ANKRD17: variants seen among roughly 807,000 people sequenced by gnomAD.
ANKRD17 encodes the protein ankyrin repeat domain 17, also known as ankyrin repeat domain-containing protein 17.
A neutral mutation model predicts 229.7 loss-of-function variants in ANKRD17; 19 were observed. The observed-to-expected ratio is 0.08, with a 90% CI of 0.06 to 0.12. The LOEUF (loss-of-function observed/expected upper bound fraction) is 0.12. Among genes scored for constraint, ANKRD17 ranks in the 10% least tolerant of loss-of-function variants. ANKRD17 has a pLI of 1.00. For missense variants in ANKRD17, 2,176 were observed against 3,176.8 expected, an observed-to-expected ratio of 0.68 and a Z score of 7.57; for synonymous variants, 1,112 against 1,146.1, an observed-to-expected ratio of 0.97 and a Z score of 0.60.
chr4:73,175,240 G>T (rs551832734), intron 2 of ANKRD17, among the ~76,000 whole-genome samples: 1 of 152,318 alleles, frequency 6.6e-6, no homozygotes, highest in East Asian at 1.9e-4. Context: ...ATGGCAGCAG[G>T]AGAGAGAAGT....
intron 25 of ANKRD17, chr4:73,101,054 T>C (rs763926093): frequency 2.2e-6 from 2 of 889,422 alleles, no homozygotes; most frequent in Non-Finnish European, 2.7e-6. Flanking sequence ...AGAGGTAATG[T>C]AGAGATGATT....
intron 1 of ANKRD17, among the ~76,000 whole-genome samples, chr4:73,230,017 T>G (rs2149237402): frequency 6.6e-6 from 1 of 151,996 alleles, no homozygotes; most frequent in East Asian, 1.9e-4. Context: ...TTTATGAACA[T>G]AAAAAGCACT....
At chr4:73,120,068 A>G in intron 21 of ANKRD17, 94 bp downstream of exon 21, 1 of 1,342,366 alleles carries the variant, frequency 7.4e-7, no homozygotes, top group Non-Finnish European at 1.1e-6. Context: ...AGAAATAATC[A>G]CATTTGATTT....
At position 73,258,567 on chromosome 4, in the gene ANKRD17, C is replaced by G. The variant is rs910735542; in HGVS notation, c.102G>C (p.Glu34Asp). 1.2e-5 allele frequency: 17 copies of G among 1,462,584 alleles called. No individual in the cohort carries two copies. Among genetic ancestry groups the G allele is most frequent in the African/African-American group, 1.5e-5 (1 of 67,334 alleles). 90.6% of individuals were successfully genotyped at this position (1,462,584 alleles called of 1,614,324 possible). ...AAVAGPPAAA[E>D]VGGGVGGSSR... ...TGCTGCCGCCAACGCCGCCGCCGACCTCCGCCGCCGCGGGGGGGCCCGCCA... is the reference window on the plus strand; with the variant it reads ...TGCTGCCGCCAACGCCGCCGCCGACGTCCGCCGCCGCGGGGGGGCCCGCCA... Residue 34 changes from glutamate (E) to aspartate (D), a missense_variant, in exon 1 of 34, where the codon GAG (glutamate) becomes GAC (aspartate). Transcript: ENST00000358602.
intron 24 of ANKRD17, 127 bp from the exon 25 acceptor site, chr4:73,102,674 T>C (rs1295729874): frequency 1.0e-5 from 11 of 1,090,758 alleles, no homozygotes; most frequent in Non-Finnish European, 1.3e-5. Flanking sequence ...GTTCAATTCA[T>C]TGTTTTATCA....
intron 1 of ANKRD17, among the ~76,000 whole-genome samples, chr4:73,229,718 A>T (rs1022452889): frequency 6.6e-6 from 1 of 151,992 alleles, no homozygotes; most frequent in Non-Finnish European, 1.5e-5. Context: ...TTTAAAAAAA[A>T]ATCTCCTTCT....
At chr4:73,077,164 A>C in intron 32 of ANKRD17, 60 bp from the exon 33 acceptor site, 1 of 1,477,374 alleles carries the variant, frequency 6.8e-7, no homozygotes, top group Non-Finnish European at 9.0e-7. Context: ...TCCCAATATA[A>C]TCAATAGCCT....
chr4:73,140,372 T>C (rs1729445649), intron 14 of ANKRD17, 89 bp from the exon 15 acceptor site: 3 of 1,346,560 alleles, frequency 2.2e-6, no homozygotes, highest in Non-Finnish European at 3.0e-6. Context: ...CCAACAGTTA[T>C]GCACTAAGTA....
rs369250426 is a variant in ANKRD17 at position 73,223,683 on chromosome 4, T to C, written c.393+34593A>G. Among the ~76,000 whole-genome samples the C allele has an allele frequency of 3.3e-5, 5 of 152,338 alleles. No homozygotes were observed. The East Asian group carries it at 5.8e-4, about 18-fold the overall frequency. On this transcript the variant is annotated intron_variant, in intron 1 of 33. Coordinates refer to ENST00000358602, the MANE Select transcript of ANKRD17 (RefSeq NM_032217.5). Reference sequence around the variant, plus strand: ...CTGAAGCAAGCTATAATATTTGATATATGCATTTTCTAGTAGTGCCTTTAA... The same window carrying C: ...CTGAAGCAAGCTATAATATTTGATACATGCATTTTCTAGTAGTGCCTTTAA...
intron 30 of ANKRD17, among the ~76,000 whole-genome samples, chr4:73,079,694 T>A (rs556695576): frequency 6.6e-6 from 1 of 152,382 alleles, no homozygotes; most frequent in African/African-American, 2.4e-5. Context: ...ATGCTTTTGG[T>A]AATGAGAATC....
chr4:73,224,263 T>C (rs1281664210), intron 1 of ANKRD17, among the ~76,000 whole-genome samples: 8 of 152,174 alleles, frequency 5.3e-5, no homozygotes, highest in African/African-American at 1.7e-4. Context: ...AGGAACAATG[T>C]TTTATGCTCT....
intron 11 of ANKRD17, 64 bp from the exon 12 acceptor site, chr4:73,142,831 T>C (rs1476432039): frequency 1.3e-6 from 2 of 1,525,452 alleles, no homozygotes; most frequent in Non-Finnish European, 1.8e-6. Context: ...TTATGGTAAA[T>C]TTAAAAATCA....
chr4:73,192,708 G>A (rs1394005345), intron 1 of ANKRD17, among the ~76,000 whole-genome samples: 1 of 152,038 alleles, frequency 6.6e-6, no homozygotes, highest in African/African-American at 2.4e-5. Flanking sequence ...ATAACAATTT[G>A]TATTGTCTTG....
Position 73,076,047 on chromosome 4 carries a change from A to G in ANKRD17, c.*184T>C. 2.1e-6 allele frequency: 1 copy of G among 466,258 alleles called. No individual in the cohort carries two copies. The highest frequency in any genetic ancestry group is 3.9e-6 in the Non-Finnish European group (1 of 256,774). The allele number at this position is 466,258 out of a possible 1,614,324, so 28.9% of individuals were successfully genotyped here. ...GCTAACTAAGGTAAAACGGATGATG[A>G]TGGGGAATGGGCAGTCACAAATGTT... On this transcript the variant is annotated 3_prime_UTR_variant, in exon 34 of 34. Coordinates refer to ENST00000358602, the MANE Select transcript of ANKRD17 (RefSeq NM_032217.5).
At chr4:73,222,607 C>A (rs1320663115) in intron 1 of ANKRD17, among the ~76,000 whole-genome samples, 1 of 152,142 alleles carries the variant, frequency 6.6e-6, no homozygotes, top group African/African-American at 2.4e-5. Flanking sequence ...TAAATGAATT[C>A]TAAGACATAT....
chr4:73,187,564 A>G (rs1413788761), intron 1 of ANKRD17, among the ~76,000 whole-genome samples: 1 of 152,178 alleles, frequency 6.6e-6, no homozygotes, highest in Non-Finnish European at 1.5e-5. Context: ...GGACATACTG[A>G]AGTAACCAAT....
chr4:73,093,976 A>T (rs1221851381), intron 28 of ANKRD17, 103 bp downstream of exon 28: 1 of 1,114,278 alleles, frequency 9.0e-7, no homozygotes, highest in Non-Finnish European at 1.3e-6. Flanking sequence ...TTTAAAAAGT[A>T]TACTATGTAA....
In ANKRD17 at chr4:73,094,207, T is replaced by C. The variant is rs200509143; in HGVS notation, c.5199A>G (p.Pro1733=). The change falls in exon 28 of 34, where the codon CCA becomes CCG. Residue 1733 remains proline (P), a synonymous_variant. Transcript: ENST00000358602. ...CAATCACTCTGGATATCACAGTTGA[T>C]GGAACAGATACTTTCTTTGACCTGT... ...VVRRSKKVSV[P]STVISRVIGR... is the part of the protein sequence containing the mutation. The C allele has an allele frequency of 9.3e-6, 15 of 1,613,612 alleles. No homozygotes were observed. The East Asian group carries it at 3.3e-4, about 36-fold the overall frequency.
intron 16 of ANKRD17, among the ~76,000 whole-genome samples, chr4:73,129,761 CTTTTTT>C (rs768232283): frequency 7.5e-6 from 1 of 134,160 alleles, no homozygotes. Context: ...CTATTAATTA[CTTTTTT>C]TTTTTTTTTT....
Sources: gnomAD v4.1 joint callset for allele counts (sites outside exome capture counted in the v4.1 genomes callset) on GRCh38, gnomAD v4.1.1 for gene constraint, MANE v1.5 for transcripts, NCBI Gene and HGNC (gene_info 2026-07-23, HGNC 2026-07-21) for gene names.